Variants in ST7L observed in about 807,000 individuals in gnomAD.
The protein encoded by ST7L is suppressor of tumorigenicity 7 protein-like.
A neutral mutation model predicts 72.5 loss-of-function variants in ST7L; 57 were observed. That is an observed-to-expected ratio of 0.79 (90% confidence interval 0.64 to 0.98). ST7L has a LOEUF of 0.98. ST7L is among the 50% of genes least tolerant of loss of function. The probability of loss-of-function intolerance (pLI) is 0.00; values close to 1 mark genes in which losing one functional copy is unlikely to be tolerated. For synonymous variants in ST7L, 221 were observed against 240.9 expected, an observed-to-expected ratio of 0.92 and a Z score of 0.77; for missense variants, 576 against 672.2, an observed-to-expected ratio of 0.86 and a Z score of 1.58.
intron 3 of ST7L, among the ~76,000 whole-genome samples, chr1:112,606,206 A>C (rs1258050687): frequency 6.6e-6 from 1 of 152,216 alleles, no homozygotes; most frequent in African/African-American, 2.4e-5. Flanking sequence ...TATTTTATAA[A>C]ATGGATAGGC....
At chr1:112,601,375 A>G (rs1409298458) in intron 3 of ST7L, among the ~76,000 whole-genome samples, 2 of 152,078 alleles carry the variant, frequency 1.3e-5, no homozygotes, top group Non-Finnish European at 2.9e-5. Context: ...CCTCCCGAGT[A>G]GCTGAGACGA....
At chr1:112,520,718 G>A, downstream of ST7L, 1 of 599,750 alleles carries the variant, frequency 1.7e-6, no homozygotes, top group Non-Finnish European at 2.9e-6. Flanking sequence ...AACTGAGCAA[G>A]CTCCCTGATT....
At chr1:112,618,872 GC>G in intron 1 of ST7L, 36 bp downstream of exon 1, 1 of 1,546,016 alleles carries the variant, frequency 6.5e-7, no homozygotes, top group Admixed American at 2.0e-5. Context: ...ATCTCTCCTG[GC>G]CCCCCGCCCT....
At chr1:112,600,689 T>A in intron 4 of ST7L, 105 bp downstream of exon 4, 2 of 937,498 alleles carry the variant, frequency 2.1e-6, no homozygotes, top group Non-Finnish European at 1.7e-6. Context: ...TAGACCAGTA[T>A]CTTCTACTAG....
chr1:112,556,398 A>G (rs2101608163), intron 11 of ST7L, among the ~76,000 whole-genome samples: 1 of 152,290 alleles, frequency 6.6e-6, no homozygotes, highest in South Asian at 2.1e-4. Context: ...TAATTAAGCC[A>G]TTTCCTACTG....
In ST7L at chr1:112,582,007, G is replaced by A; in HGVS notation, c.1054C>T (p.Leu352=). 1 of 1,607,796 alleles carries A rather than the reference G, an allele frequency of 6.2e-7. No homozygotes were observed. Among genetic ancestry groups the A allele is most frequent in the Non-Finnish European group, 8.5e-7 (1 of 1,174,642 alleles). The part of the protein sequence containing the change: ...LQAYPDVQAV[L]AKYDDISLPK... ...TATGACTCACCATCATATTTTGCTA[G>A]GACTGCCTGAACATCTGGATAGGCC... is the stretch of plus-strand genomic sequence containing the variant. Residue 352 remains leucine, a synonymous_variant, in exon 9 of 15, where the codon CTA becomes TTA. Transcript: ENST00000358039.
chr1:112,559,023 C>A (rs1457806053), intron 11 of ST7L, among the ~76,000 whole-genome samples: 2 of 152,070 alleles, frequency 1.3e-5, no homozygotes, highest in Non-Finnish European at 2.9e-5. Context: ...ATATTTAAAC[C>A]AAGTTCTTTC....
At chr1:112,519,311 CAT>C (rs1467061282), downstream of ST7L, among the ~76,000 whole-genome samples, 1 of 152,218 alleles carries the variant, frequency 6.6e-6, no homozygotes, top group East Asian at 1.9e-4. Flanking sequence ...AGATAAAAAA[CAT>C]AGAAGTTCTA....
intron 11 of ST7L, among the ~76,000 whole-genome samples, chr1:112,573,642 C>G (rs1662537607): frequency 6.6e-6 from 1 of 151,988 alleles, no homozygotes; most frequent in Non-Finnish European, 1.5e-5. Context: ...GCTTTAATAA[C>G]AAATTTACTA....
intron 3 of ST7L, chr1:112,607,185 G>A (rs1159974259): frequency 6.6e-6 from 1 of 152,072 alleles, no homozygotes; most frequent in African/African-American, 2.4e-5. Flanking sequence ...CTAGTAAGGA[G>A]AGAGTATGTA....
At chr1:112,618,191 C>T in intron 1 of ST7L, 1 of 1,216,144 alleles carries the variant, frequency 8.2e-7, no homozygotes, top group Non-Finnish European at 1.1e-6. Context: ...TTCATCCTGT[C>T]TACAGCTAAA....
Position 112,526,035 on chromosome 1 carries a change from TCTTCTG to T in ST7L, c.1700_1705del (p.Ser567_Asp569delinsTyr). The T allele has an allele frequency of 6.2e-7, 1 of 1,614,122 alleles. No individual in the cohort carries two copies. The highest frequency in any genetic ancestry group is 8.5e-7 in the Non-Finnish European group (1 of 1,180,012). On this transcript the variant is annotated inframe_deletion, in exon 15 of 15. Transcript: ENST00000358039. ...GGCTCAGCCAGAACTCAAACCTAGG[TCTTCTG>T]ACTTCAAATCCTGTGTATTCTCCTC...
At position 112,564,097 on chromosome 1, in the gene ST7L, T is replaced by C. The variant is rs114904598; in HGVS notation, c.1246-8079A>G. Among the ~76,000 whole-genome samples the C allele has an allele frequency of 1.5e-3, 222 of 152,258 alleles. 1 individual carries two copies. Among genetic ancestry groups the C allele is most frequent in the African/African-American group, 4.9e-3 (205 of 41,546 alleles). ...AATGCAGAGTCCACATTGGTATGTA[T>C]TGGGGGAGACTAAAGACAGTTCCCA... On this transcript the variant is annotated intron_variant, in intron 11 of 14. Coordinates refer to ENST00000358039, the MANE Select transcript of ST7L (RefSeq NM_017744.5).
At chr1:112,527,811 G>A (rs992196255) in intron 14 of ST7L, 1 of 152,212 alleles carries the variant, frequency 6.6e-6, no homozygotes, top group African/African-American at 2.4e-5. Context: ...CCACACACAT[G>A]CTGAGGTGGA....
intron 11 of ST7L, among the ~76,000 whole-genome samples, chr1:112,556,985 C>CAAAAAAAAAAAAAAAAAAAAAAAA (rs1196828305): frequency 8.5e-5 from 7 of 82,126 alleles, no homozygotes; most frequent in Non-Finnish European, 1.4e-4. Context: ...AAAAAAAAAA[C>CAAAAAAAAAAAAAAAAAAAAAAAA]AAAAAAAAAA....
chr1:112,538,870 AT>A (rs1375401055), intron 14 of ST7L, among the ~76,000 whole-genome samples: 5 of 152,156 alleles, frequency 3.3e-5, no homozygotes, highest in Non-Finnish European at 5.9e-5. Flanking sequence ...ACACTTGCAT[AT>A]TTTAAAGTCA....
intron 3 of ST7L, among the ~76,000 whole-genome samples, chr1:112,603,652 A>C (rs1331936916): frequency 1.3e-5 from 2 of 152,200 alleles, no homozygotes; most frequent in South Asian, 4.1e-4. Flanking sequence ...TGTATAGCTC[A>C]GGCTGCCGTA....
chr1:112,530,476 G>C (rs569712718), intron 14 of ST7L, among the ~76,000 whole-genome samples: 3 of 152,198 alleles, frequency 2.0e-5, no homozygotes, highest in Admixed American at 1.3e-4. Flanking sequence ...GTGCAGTGGC[G>C]TGATCTTGGC....
chr1:112,531,629 T>C (rs995991065), intron 14 of ST7L, among the ~76,000 whole-genome samples: 4 of 152,222 alleles, frequency 2.6e-5, no homozygotes, highest in African/African-American at 9.6e-5. Context: ...AACTCATCTA[T>C]TGTGGCAATA....
Sources: gnomAD v4.1 joint callset for allele counts (sites outside exome capture counted in the v4.1 genomes callset) on GRCh38, gnomAD v4.1.1 for gene constraint, MANE v1.5 for transcripts, NCBI Gene and HGNC (gene_info 2026-07-23, HGNC 2026-07-21) for gene names.